CNTN4: variants seen among roughly 807,000 people sequenced by gnomAD.
The protein encoded by CNTN4 is contactin 4.
Under a neutral mutation model 122.5 loss-of-function variants are expected in CNTN4, and 77 were observed. The observed-to-expected ratio is 0.63, with a 90% confidence interval of 0.52 to 0.76. The LOEUF (loss-of-function observed/expected upper bound fraction) is 0.76. Among genes scored for constraint, CNTN4 ranks in the 30% least tolerant of loss-of-function variants. The probability of loss-of-function intolerance (pLI) is 0.00; values close to 1 mark genes in which losing one functional copy is unlikely to be tolerated. For missense variants in CNTN4, 1,256 were observed against 1,259.1 expected (o/e 1.00, Z 0.04); for synonymous variants, 512 against 447.0 (o/e 1.15, Z -1.83).
chr3:2,109,367 A>G (rs1341188003), intron 2 of CNTN4, among the ~76,000 whole-genome samples: 3 of 152,196 alleles, frequency 2.0e-5, no homozygotes, highest in African/African-American at 7.2e-5. Context: ...ATTAATCATT[A>G]TTCCATAATG....
chr3:3,019,240 C>T (rs1698049328), intron 14 of CNTN4, among the ~76,000 whole-genome samples: 2 of 152,098 alleles, frequency 1.3e-5, no homozygotes, highest in African/African-American at 4.8e-5. Flanking sequence ...GTTTGATGAC[C>T]ATCAGGTACT....
At chr3:2,618,090 A>G (rs1462750293) in intron 4 of CNTN4, among the ~76,000 whole-genome samples, 1 of 152,196 alleles carries the variant, frequency 6.6e-6, no homozygotes, top group Non-Finnish European at 1.5e-5. Context: ...CTGTATATGT[A>G]GTAGTTAGAA....
rs192209023 is a variant in CNTN4 at position 3,057,844 on chromosome 3, G to C, written c.*1624G>C. On this transcript the variant is annotated 3_prime_UTR_variant, in exon 25 of 25. Transcript: ENST00000418658. ...AAATCAGCAAAATAATAAAATGAACGAAAAAAAATGACACCCAGGGAGTTC... is the reference window on the plus strand; with the variant it reads ...AAATCAGCAAAATAATAAAATGAACCAAAAAAAATGACACCCAGGGAGTTC... 2.6e-5 allele frequency: 4 copies of C among 151,816 alleles called. No homozygotes were observed. Among genetic ancestry groups the C allele is most frequent in the Non-Finnish European group, 5.9e-5 (4 of 67,826 alleles). The allele number at this position is 151,816 out of a possible 1,614,324, so 9.4% of individuals were successfully genotyped here.
intron 3 of CNTN4, among the ~76,000 whole-genome samples, chr3:2,538,533 A>G (rs942607111): frequency 6.6e-6 from 1 of 152,114 alleles, no homozygotes; most frequent in Non-Finnish European, 1.5e-5. Flanking sequence ...TAATCCGTTC[A>G]CTTTGATATA....
At chr3:2,625,937 C>T (rs915245044) in intron 4 of CNTN4, among the ~76,000 whole-genome samples, 3 of 152,256 alleles carry the variant, frequency 2.0e-5, no homozygotes, top group East Asian at 3.9e-4. Flanking sequence ...TGTTCCTGTT[C>T]TTTCACATTC....
At chr3:2,437,325 C>T (rs1410457487) in intron 3 of CNTN4, among the ~76,000 whole-genome samples, 1 of 151,890 alleles carries the variant, frequency 6.6e-6, no homozygotes, top group Non-Finnish European at 1.5e-5. Context: ...CATTAGTGTC[C>T]CTTAAAATAC....
intron 13 of CNTN4, among the ~76,000 whole-genome samples, chr3:2,957,822 C>T (rs2094815656): frequency 6.6e-6 from 1 of 152,114 alleles, no homozygotes; most frequent in African/African-American, 2.4e-5. Context: ...GTTGCATTTT[C>T]TCTATCCAGT....
intron 3 of CNTN4, among the ~76,000 whole-genome samples, chr3:2,464,355 A>C (rs941604566): frequency 6.6e-6 from 1 of 152,280 alleles, no homozygotes. Flanking sequence ...GCGCATTAGG[A>C]ACTAGTCTTT....
chr3:2,725,478 T>C (rs2088161574), intron 4 of CNTN4, among the ~76,000 whole-genome samples: 1 of 152,166 alleles, frequency 6.6e-6, no homozygotes. Context: ...TGGTTAACGG[T>C]CTTTTCAAAA....
chr3:2,928,151 T>C (rs1288666133), intron 13 of CNTN4, among the ~76,000 whole-genome samples: 4 of 152,240 alleles, frequency 2.6e-5, no homozygotes, highest in Non-Finnish European at 4.4e-5. Context: ...ATCTAGACTT[T>C]TGTTTGAGCT....
At chr3:2,416,404 CAT>C (rs1414588926) in intron 3 of CNTN4, among the ~76,000 whole-genome samples, 5 of 152,206 alleles carry the variant, frequency 3.3e-5, no homozygotes, top group Non-Finnish European at 7.4e-5. Flanking sequence ...CGTTATATAA[CAT>C]ATGTAAAATG....
intron 2 of CNTN4, among the ~76,000 whole-genome samples, chr3:2,127,618 C>T (rs2034241362): frequency 6.6e-6 from 1 of 151,968 alleles, no homozygotes; most frequent in African/African-American, 2.4e-5. Context: ...TTTTTACACT[C>T]CTGCCAAGAA....
chr3:2,970,697 C>A (rs1692817035), intron 13 of CNTN4, among the ~76,000 whole-genome samples: 1 of 152,188 alleles, frequency 6.6e-6, no homozygotes. Flanking sequence ...CCACCCACCT[C>A]AGTCTCTCAA....
At chr3:2,420,626 C>T (rs1194093240) in intron 3 of CNTN4, among the ~76,000 whole-genome samples, 1 of 151,796 alleles carries the variant, frequency 6.6e-6, no homozygotes, top group Non-Finnish European at 1.5e-5. Context: ...AGTAGAGACA[C>T]GGATTCACCA....
At chr3:2,773,359 T>C (rs1042062112) in intron 6 of CNTN4, among the ~76,000 whole-genome samples, 1 of 152,218 alleles carries the variant, frequency 6.6e-6, no homozygotes, top group Non-Finnish European at 1.5e-5. Flanking sequence ...ACTTGTTAGA[T>C]ATAAAGTTTG....
intron 3 of CNTN4, among the ~76,000 whole-genome samples, chr3:2,350,120 A>G (rs1559476095): frequency 6.6e-6 from 1 of 152,200 alleles, no homozygotes; most frequent in Non-Finnish European, 1.5e-5. Flanking sequence ...CCTTTGAAAT[A>G]AAAGATTAGA....
rs143833045 is a variant in CNTN4 at position 2,927,103 on chromosome 3, A to G, written c.1358+1324A>G. 2.5e-4 allele frequency among the ~76,000 whole-genome samples: 38 copies of G among 151,670 alleles called. No individual in the cohort carries two copies. The East Asian group carries it at 3.3e-3, about 13-fold the overall frequency. On this transcript the variant is annotated intron_variant, in intron 13 of 24. Coordinates refer to ENST00000418658, the MANE Select transcript of CNTN4 (RefSeq NM_175607.3). ...CACATGTATTTCTCAGAATAAGGCT[A>G]CATTTTAAAAGTTTTAATTTTAAAA...
intron 3 of CNTN4, among the ~76,000 whole-genome samples, chr3:2,562,186 AAC>A (rs2078984300): frequency 6.6e-6 from 1 of 152,228 alleles, no homozygotes; most frequent in East Asian, 1.9e-4. Context: ...GGAGAAATTC[AAC>A]AGAGTGTTTA....
In CNTN4 at chr3:2,281,668, G is replaced by T. The variant is rs2041720956; in HGVS notation, c.-144-57510G>T. On this transcript the variant is annotated intron_variant, in intron 2 of 24. Coordinates refer to ENST00000418658, the MANE Select transcript of CNTN4 (RefSeq NM_175607.3). ...TTCTATAGTAGTATTTCACATATCTGCTTGGAAAAAATATTTGGGTAACAG... is the reference window on the plus strand; with the variant it reads ...TTCTATAGTAGTATTTCACATATCTTCTTGGAAAAAATATTTGGGTAACAG... Among the ~76,000 whole-genome samples, 11 of 152,056 alleles carry T rather than the reference G, an allele frequency of 7.2e-5. No individual in the cohort carries two copies. In the South Asian group the frequency reaches 2.3e-3, roughly 32 times the overall value.
Sources: allele counts gnomAD v4.1 joint callset (sites outside exome capture counted in the v4.1 genomes callset), GRCh38; gene constraint gnomAD v4.1.1; transcripts MANE v1.5; gene names NCBI Gene and HGNC (gene_info 2026-07-23, HGNC 2026-07-21).